LCORL: variants seen among roughly 807,000 people sequenced by gnomAD.
LCORL encodes the protein ligand dependent nuclear receptor corepressor like, also known as ligand-dependent nuclear receptor corepressor-like protein.
LCORL carries 41 observed loss-of-function variants against 141.8 expected under a neutral mutation model. That is an observed-to-expected ratio of 0.29 (90% CI 0.23 to 0.38). The LOEUF (loss-of-function observed/expected upper bound fraction) is 0.38, where lower values mean the gene tolerates loss of function less well. Ranked by LOEUF, LCORL falls within the 10% of genes least tolerant of loss-of-function variation. The pLI is 1.00. For synonymous variants in LCORL, 618 were observed against 694.1 expected (o/e 0.89, Z 1.72); for missense variants, 1,759 against 2,035.0 (o/e 0.86, Z 2.61).
At chr4:17,940,796 A>G (rs1397554066) in intron 4 of LCORL, among the ~76,000 whole-genome samples, 2 of 152,108 alleles carry the variant, frequency 1.3e-5, no homozygotes, top group Admixed American at 1.3e-4. Context: ...CCTATCTATG[A>G]ACTTTTGGGC....
chr4:17,878,768 T>A lies in LCORL; in HGVS notation c.777-555A>T, dbSNP rs75198716. Among the ~76,000 whole-genome samples, 52 of 151,448 alleles carry A rather than the reference T, an allele frequency of 3.4e-4. 1 individual carries two copies. The East Asian group carries it at 9.3e-3, about 27-fold the overall frequency. The stretch of plus-strand genomic sequence containing the variant: ...CTAAGATTAAGCTGCAGGCGTTAGC[T>A]ATTTAAAAATAAAATCTATTTTTAA... On this transcript the variant is annotated intron_variant, in intron 6 of 7. Transcript: ENST00000635767.
At chr4:17,845,236 C>A (rs1722797760) in exon 8 of LCORL, 1 of 152,546 alleles carries the variant, frequency 6.6e-6, no homozygotes, top group African/African-American at 2.4e-5. Context: ...CTATGATCAA[C>A]TTTTTTTCTT....
intron 1 of LCORL, among the ~76,000 whole-genome samples, chr4:17,999,116 G>A (rs1427769059): frequency 1.3e-5 from 2 of 149,818 alleles, no homozygotes; most frequent in Non-Finnish European, 3.0e-5. Flanking sequence ...TTTTTGAAGG[G>A]CAGTAGATTT....
At chr4:18,005,562 C>T (rs757504943) in intron 1 of LCORL, among the ~76,000 whole-genome samples, 1 of 152,238 alleles carries the variant, frequency 6.6e-6, no homozygotes, top group Non-Finnish European at 1.5e-5. Flanking sequence ...CCAGCCCCTG[C>T]AGTAAACTTC....
At chr4:17,876,529 T>C (rs1726941737) in exon 7 of LCORL, 19 of 1,230,872 alleles carry the variant, frequency 1.5e-5, no homozygotes, top group Non-Finnish European at 1.8e-5. Context: ...AGGTCTATAT[T>C]GTGTGAGCTT....
chr4:17,986,462 C>T (rs1478080596), intron 1 of LCORL, among the ~76,000 whole-genome samples: 2 of 152,126 alleles, frequency 1.3e-5, no homozygotes, highest in African/African-American at 4.8e-5. Context: ...CCTTTTCATT[C>T]TGTTTTCTTT....
At chr4:17,933,864 T>A (rs1462475343) in intron 4 of LCORL, among the ~76,000 whole-genome samples, 2 of 152,084 alleles carry the variant, frequency 1.3e-5, no homozygotes, top group Non-Finnish European at 2.9e-5. Context: ...TAGAATGGAA[T>A]GAAGAGTTGA....
intron 5 of LCORL, among the ~76,000 whole-genome samples, chr4:17,888,889 T>C (rs1728671354): frequency 6.6e-6 from 1 of 152,170 alleles, no homozygotes; most frequent in Non-Finnish European, 1.5e-5. Flanking sequence ...ATTTTGATTT[T>C]GCTCATTTTA....
chr4:17,889,956 G>T (rs1025081209), intron 5 of LCORL, among the ~76,000 whole-genome samples: 1 of 151,894 alleles, frequency 6.6e-6, no homozygotes, highest in South Asian at 2.1e-4. Flanking sequence ...AAAATTAAGC[G>T]CCCAGCATGC....
chr4:17,885,504 T>C (rs1209420115), intron 6 of LCORL, among the ~76,000 whole-genome samples: 1 of 150,014 alleles, frequency 6.7e-6, no homozygotes, highest in Non-Finnish European at 1.5e-5. Flanking sequence ...TGCAAAAAAG[T>C]TGTAAAAAAA....
chr4:17,882,294 G>C (rs1727677936), intron 6 of LCORL: 1 of 984,418 alleles, frequency 1.0e-6, no homozygotes, highest in Admixed American at 6.2e-5. Flanking sequence ...AAAATGATCA[G>C]AACCTGAATT....
exon 7 of LCORL, chr4:17,875,055 T>A: frequency 8.1e-7 from 1 of 1,233,696 alleles, no homozygotes; most frequent in Non-Finnish European, 1.0e-6. Flanking sequence ...TTTAAATATA[T>A]CAGCTTCAGT....
chr4:17,879,214 AG>A (rs1366094763), intron 6 of LCORL, among the ~76,000 whole-genome samples: 2 of 151,172 alleles, frequency 1.3e-5, no homozygotes, highest in African/African-American at 2.4e-5. Context: ...AAAAATTATA[AG>A]ATTTTTACTT....
intron 1 of LCORL, among the ~76,000 whole-genome samples, chr4:17,999,071 A>G (rs1721480347): frequency 6.8e-6 from 1 of 147,908 alleles, no homozygotes; most frequent in Non-Finnish European, 1.5e-5. Flanking sequence ...TCACTTATCA[A>G]GTATTATGTA....
intron 4 of LCORL, among the ~76,000 whole-genome samples, chr4:17,916,419 G>A (rs1056780760): frequency 5.3e-5 from 8 of 152,096 alleles, no homozygotes; most frequent in Admixed American, 5.2e-4. Flanking sequence ...CCATCCCCTT[G>A]CTGATAAGTG....
At chr4:18,005,952 C>T (rs1722739456) in intron 1 of LCORL, among the ~76,000 whole-genome samples, 1 of 152,214 alleles carries the variant, frequency 6.6e-6, no homozygotes, top group Non-Finnish European at 1.5e-5. Context: ...ATTACTCACG[C>T]AAATTTCTGC....
Position 17,884,462 on chromosome 4 carries a change from T to G in LCORL, c.776+1606A>C, listed in dbSNP as rs1192330848. 1 of 1,549,830 alleles carries G rather than the reference T, an allele frequency of 6.5e-7. No homozygotes were observed. Among genetic ancestry groups the G allele is most frequent in the Non-Finnish European group, 8.7e-7 (1 of 1,146,190 alleles). ...TTTACTTTTTTCTGTGCGCTCTGCT[T>G]GAGCTCTTGCCCACAAGGCTACTTT... On this transcript the variant is annotated intron_variant, in intron 6 of 7. Transcript: ENST00000635767. This position sits in a 1 kb window ranked among gnomAD's most constrained non-coding sequence, Gnocchi z 4.4.
chr4:17,896,501 C>T (rs1403220915), intron 5 of LCORL, among the ~76,000 whole-genome samples: 1 of 152,124 alleles, frequency 6.6e-6, no homozygotes. Flanking sequence ...AGGCTGGTCT[C>T]GAACTCCTGA....
chr4:17,884,301 C>T lies in LCORL; in HGVS notation c.776+1767G>A. 1.3e-6 allele frequency: 2 copies of T among 1,549,674 alleles called. No homozygotes were observed. The highest frequency in any genetic ancestry group is 4.9e-5 in the East Asian group (2 of 40,882). ...CGTAGCTGAGGAATTTTTAACTGTA[C>T]AGTAGGATTTGAAGTTTCATATTGG... On this transcript the variant is annotated intron_variant, in intron 6 of 7. Coordinates refer to ENST00000635767, the Ensembl canonical transcript of LCORL. The surrounding 1 kb of genome is among the most constrained non-coding windows in gnomAD (Gnocchi z 4.4).
Sources: gnomAD v4.1 joint callset for allele counts (sites outside exome capture counted in the v4.1 genomes callset) on GRCh38, gnomAD v4.1.1 for gene constraint, Gnocchi (gnomAD v3.1) non-coding constraint, MANE v1.5 for transcripts, NCBI Gene and HGNC (gene_info 2026-07-23, HGNC 2026-07-21) for gene names.